The following HPSE2 variants were observed in gnomAD, a reference collection of about 807,000 sequenced individuals.
The protein encoded by HPSE2 is heparanase 2 (inactive), also known as inactive heparanase-2.
HPSE2 carries 38 observed loss-of-function variants against 60.5 expected under a neutral mutation model. The ratio of observed to expected loss-of-function variants is 0.63; its 90% CI spans 0.48 to 0.82. The LOEUF is 0.82. HPSE2 is among the 40% of genes least tolerant of loss of function. The pLI, the probability that HPSE2 is intolerant of heterozygous loss-of-function variation, is 0.00. For synonymous variants in HPSE2, 295 were observed against 293.2 expected (o/e 1.01, Z -0.06); for missense variants, 713 against 740.4 (o/e 0.96, Z 0.43).
At chr10:99,114,705 G>A (rs1433006623) in intron 3 of HPSE2, among the ~76,000 whole-genome samples, 1 of 152,004 alleles carries the variant, frequency 6.6e-6, no homozygotes, top group African/African-American at 2.4e-5. Context: ...ACGAGGTCAG[G>A]ACATCGAGAC....
intron 3 of HPSE2, among the ~76,000 whole-genome samples, chr10:98,748,143 C>CA: frequency 6.6e-6 from 1 of 151,878 alleles, no homozygotes; most frequent in Non-Finnish European, 1.5e-5. Context: ...ACCAAAAATA[C>CA]AAAAAAATTA....
intron 5 of HPSE2, among the ~76,000 whole-genome samples, chr10:98,715,732 T>C (rs1948774971): frequency 1.3e-5 from 2 of 152,118 alleles, no homozygotes; most frequent in South Asian, 2.1e-4. Context: ...AAATACTTTA[T>C]TGCTAAAAAT....
chr10:99,027,428 G>T (rs984635680), intron 3 of HPSE2, among the ~76,000 whole-genome samples: 1 of 152,070 alleles, frequency 6.6e-6, no homozygotes, highest in Non-Finnish European at 1.5e-5. Context: ...TCCAAAACTT[G>T]AACAGACCAA....
At chr10:98,704,936 G>A (rs1948506880) in intron 5 of HPSE2, among the ~76,000 whole-genome samples, 1 of 152,110 alleles carries the variant, frequency 6.6e-6, no homozygotes, top group South Asian at 2.1e-4. Context: ...AAGAGCTTCT[G>A]CCCAGCAAAA....
At chr10:99,011,903 AAC>A (rs150755092) in intron 3 of HPSE2, among the ~76,000 whole-genome samples, 491 of 152,138 alleles carry the variant, frequency 3.2e-3, no homozygotes, top group African/African-American at 0.011. Flanking sequence ...ATAATTCTCA[AAC>A]AATGTATTTA....
chr10:98,611,160 A>C (rs1945747820), intron 9 of HPSE2, among the ~76,000 whole-genome samples: 1 of 152,250 alleles, frequency 6.6e-6, no homozygotes, highest in South Asian at 2.1e-4. Context: ...TTCTCCTCCC[A>C]GGAGAAGGAA....
At chr10:99,207,176 T>C (rs1241224074) in intron 2 of HPSE2, among the ~76,000 whole-genome samples, 3 of 151,936 alleles carry the variant, frequency 2.0e-5, no homozygotes, top group African/African-American at 4.8e-5. Flanking sequence ...AAATGACATA[T>C]AAGGGAGTTA....
chr10:99,104,362 A>G (rs1358545263), intron 3 of HPSE2, among the ~76,000 whole-genome samples: 2 of 152,184 alleles, frequency 1.3e-5, no homozygotes, highest in African/African-American at 4.8e-5. Flanking sequence ...CCACAATGAG[A>G]CACCATCTCA....
At chr10:98,462,184 TATTTA>T (rs1940321221) in intron 11 of HPSE2, among the ~76,000 whole-genome samples, 1 of 152,202 alleles carries the variant, frequency 6.6e-6, no homozygotes, top group Admixed American at 6.5e-5. Flanking sequence ...TATTTTTATT[TATTTA>T]TTTTTTTGAG....
At chr10:98,750,926 A>G (rs577704192) in intron 3 of HPSE2, among the ~76,000 whole-genome samples, 1 of 152,278 alleles carries the variant, frequency 6.6e-6, no homozygotes, top group East Asian at 1.9e-4. Context: ...TGGGAGAGAT[A>G]GAGAACCTTT....
At chr10:98,538,125 C>T in intron 9 of HPSE2, among the ~76,000 whole-genome samples, 1 of 152,134 alleles carries the variant, frequency 6.6e-6, no homozygotes. Flanking sequence ...GTCTTGTATG[C>T]AATAAATATC....
intron 4 of HPSE2, among the ~76,000 whole-genome samples, chr10:98,738,697 T>C (rs1949418977): frequency 2.0e-5 from 3 of 152,194 alleles, no homozygotes; most frequent in Non-Finnish European, 4.4e-5. Context: ...AAGACATTTA[T>C]GCAGCCAACA....
chr10:98,550,939 C>T (rs1943846587), intron 9 of HPSE2, among the ~76,000 whole-genome samples: 1 of 152,160 alleles, frequency 6.6e-6, no homozygotes, highest in Admixed American at 6.5e-5. Context: ...TCAGTTGTAC[C>T]TCCAGTACCT....
intron 3 of HPSE2, among the ~76,000 whole-genome samples, chr10:98,752,090 C>G (rs1246070853): frequency 6.6e-6 from 1 of 152,094 alleles, no homozygotes; most frequent in African/African-American, 2.4e-5. Context: ...CTTAATATAA[C>G]CTTGCATTTG....
At chr10:99,260,317 A>T in the HPSE2 span, among the ~76,000 whole-genome samples, 1 of 151,658 alleles carries the variant, frequency 6.6e-6, no homozygotes, top group Non-Finnish European at 1.5e-5. Flanking sequence ...CTCTTCACAC[A>T]GATGCGCGTG....
chr10:98,766,077 T>C (rs1385805494), intron 3 of HPSE2, among the ~76,000 whole-genome samples: 3 of 151,858 alleles, frequency 2.0e-5, no homozygotes, highest in African/African-American at 7.2e-5. Flanking sequence ...ATTACCAGTA[T>C]CAAGAAGGGA....
At chr10:98,580,263 T>C (rs1207506526) in intron 9 of HPSE2, among the ~76,000 whole-genome samples, 1 of 152,112 alleles carries the variant, frequency 6.6e-6, no homozygotes, top group Non-Finnish European at 1.5e-5. Flanking sequence ...TACTAGGCCC[T>C]TCAAATATCA....
intron 2 of HPSE2, among the ~76,000 whole-genome samples, chr10:99,172,447 C>G (rs1270178328): frequency 6.6e-6 from 1 of 152,082 alleles, no homozygotes; most frequent in Admixed American, 6.6e-5. Context: ...CACATCAATT[C>G]CTACAATACG....
chr10:99,078,766 G>A (rs992875960), intron 3 of HPSE2, among the ~76,000 whole-genome samples: 1 of 152,130 alleles, frequency 6.6e-6, no homozygotes, highest in African/African-American at 2.4e-5. Context: ...GATTATTTGT[G>A]ATGGTATCTG....
Sources: gnomAD v4.1 joint callset for allele counts (sites outside exome capture counted in the v4.1 genomes callset) on GRCh38, gnomAD v4.1.1 for gene constraint, MANE v1.5 for transcripts, NCBI Gene and HGNC (gene_info 2026-07-23, HGNC 2026-07-21) for gene names.